Variants in RBFOX1 observed in about 807,000 individuals in gnomAD.
RBFOX1 encodes RNA binding protein fox-1 homolog 1.
RBFOX1 carries 8 observed loss-of-function variants against 57.7 expected under a neutral mutation model. The observed-to-expected ratio is 0.14, with a 90% CI of 0.08 to 0.25. The LOEUF is 0.25. Ranked by LOEUF, RBFOX1 falls within the 10% of genes least tolerant of loss-of-function variation. The pLI, the probability that RBFOX1 is intolerant of heterozygous loss-of-function variation, is 1.00. For synonymous variants in RBFOX1, 326 were observed against 222.4 expected (o/e 1.47, Z -4.15); for missense variants, 611 against 548.5 (o/e 1.11, Z -1.14).
intron 4 of RBFOX1, among the ~76,000 whole-genome samples, chr16:7,457,992 C>T (rs973899875): frequency 6.6e-6 from 1 of 152,132 alleles, no homozygotes; most frequent in East Asian, 1.9e-4. Flanking sequence ...TTCCACAGTT[C>T]CTACCCTGGT....
chr16:5,456,378 C>T (rs556546576), intron 1 of RBFOX1, among the ~76,000 whole-genome samples: 5 of 152,148 alleles, frequency 3.3e-5, no homozygotes, highest in African/African-American at 1.2e-4. Context: ...TGTTTTCCAC[C>T]TCCCATGGGT....
intron 2 of RBFOX1, among the ~76,000 whole-genome samples, chr16:6,526,857 A>AAAAAAACAAC (rs1567560941): frequency 1.5e-5 from 2 of 130,422 alleles, no homozygotes; most frequent in African/African-American, 7.3e-5. Flanking sequence ...AAAAAAAAAA[A>AAAAAAACAAC]AACAACCAGA....
intron 1 of RBFOX1, among the ~76,000 whole-genome samples, chr16:5,448,501 ATCT>A (rs998969500): frequency 4.6e-5 from 7 of 152,176 alleles, no homozygotes; most frequent in African/African-American, 1.4e-4. Flanking sequence ...TTACAAAGAA[ATCT>A]TCTCACTTTC....
chr16:6,765,123 G>A (rs2077153024), intron 3 of RBFOX1, among the ~76,000 whole-genome samples: 1 of 152,056 alleles, frequency 6.6e-6, no homozygotes, highest in Admixed American at 6.5e-5. Flanking sequence ...TGATGGAACA[G>A]CAAGTAAAAC....
At chr16:5,990,859 A>G (rs1236496728) in intron 4 of RBFOX1, among the ~76,000 whole-genome samples, 2 of 152,182 alleles carry the variant, frequency 1.3e-5, no homozygotes, top group Non-Finnish European at 2.9e-5. Flanking sequence ...CTGTAGTCCC[A>G]TCTACTCGGG....
chr16:5,831,781 T>C (rs2056284726), intron 3 of RBFOX1, among the ~76,000 whole-genome samples: 1 of 152,162 alleles, frequency 6.6e-6, no homozygotes, highest in South Asian at 2.1e-4. Context: ...TATTCCTTTT[T>C]AGCCATGCAA....
intron 3 of RBFOX1, among the ~76,000 whole-genome samples, chr16:5,701,813 G>A (rs368474836): frequency 7.9e-5 from 12 of 152,300 alleles, no homozygotes; most frequent in Admixed American, 6.5e-5. Context: ...TCATCTGGAC[G>A]TTCATCAGGC....
intron 1 of RBFOX1, among the ~76,000 whole-genome samples, chr16:6,267,358 C>T (rs1210065254): frequency 6.6e-6 from 1 of 152,184 alleles, no homozygotes; most frequent in African/African-American, 2.4e-5. Context: ...TTGACCTCTC[C>T]TGATAAACCC....
intron 3 of RBFOX1, among the ~76,000 whole-genome samples, chr16:7,018,816 T>A (rs558885721): frequency 6.6e-6 from 1 of 151,380 alleles, no homozygotes; most frequent in South Asian, 2.1e-4. Context: ...ATACAACGTC[T>A]ACAGATTAAA....
At position 7,056,253 on chromosome 16, in the gene RBFOX1, C is replaced by T. The variant is rs183767629; in HGVS notation, c.27+4155C>T. On this transcript the variant is annotated intron_variant, in intron 4 of 15. Coordinates refer to ENST00000550418, the MANE Select transcript of RBFOX1 (RefSeq NM_018723.4). ...TCTTCTCAGAGAACTATTGGGATTACTTACATCGCTCGGTTGTTACGCACA... is the reference window on the plus strand; with the variant it reads ...TCTTCTCAGAGAACTATTGGGATTATTTACATCGCTCGGTTGTTACGCACA... 1.6e-4 allele frequency among the ~76,000 whole-genome samples: 25 copies of T among 152,280 alleles called. No homozygotes were observed. In the East Asian group the frequency reaches 3.5e-3, roughly 21 times the overall value.
intron 3 of RBFOX1, among the ~76,000 whole-genome samples, chr16:6,729,601 G>A (rs2068038085): frequency 6.6e-6 from 1 of 152,066 alleles, no homozygotes. Context: ...AGGGAAATGG[G>A]CTTCTAAAGG....
intron 1 of RBFOX1, among the ~76,000 whole-genome samples, chr16:5,407,870 A>T (rs111408638): frequency 9.8e-5 from 15 of 152,332 alleles, no homozygotes; most frequent in African/African-American, 3.4e-4. Context: ...GCTTTAACCC[A>T]AGTCCCGTGG....
At chr16:7,378,581 A>C (rs917839855) in intron 4 of RBFOX1, among the ~76,000 whole-genome samples, 2 of 152,172 alleles carry the variant, frequency 1.3e-5, no homozygotes, top group Non-Finnish European at 2.9e-5. Context: ...TTAATCTGGG[A>C]CATGGTGGTG....
intron 1 of RBFOX1, among the ~76,000 whole-genome samples, chr16:6,045,215 C>G (rs1376202728): frequency 6.6e-6 from 1 of 152,186 alleles, no homozygotes; most frequent in Non-Finnish European, 1.5e-5. Context: ...TTATGATAAA[C>G]TCCCGAGCGA....
intron 4 of RBFOX1, among the ~76,000 whole-genome samples, chr16:7,414,467 C>T (rs1294801072): frequency 6.6e-6 from 1 of 152,122 alleles, no homozygotes; most frequent in African/African-American, 2.4e-5. Context: ...CTAATGTGAG[C>T]CACAGAATTT....
intron 3 of RBFOX1, among the ~76,000 whole-genome samples, chr16:5,665,096 C>T (rs1185768985): frequency 2.7e-5 from 4 of 149,378 alleles, no homozygotes; most frequent in Non-Finnish European, 5.9e-5. Flanking sequence ...CAGGTGTGCA[C>T]CACCATGGCT....
At chr16:7,198,484 G>A (rs1264676800) in intron 4 of RBFOX1, among the ~76,000 whole-genome samples, 1 of 152,212 alleles carries the variant, frequency 6.6e-6, no homozygotes, top group East Asian at 1.9e-4. Context: ...AAAACAGGAA[G>A]ACAGAGTGTT....
At chr16:5,267,537 A>G (rs1311869383) in intron 1 of RBFOX1, among the ~76,000 whole-genome samples, 1 of 151,474 alleles carries the variant, frequency 6.6e-6, no homozygotes, top group Admixed American at 6.6e-5. Flanking sequence ...GCCTGAAGTG[A>G]TCTGCCCACC....
At chr16:5,342,988 C>T (rs1053908317) in intron 1 of RBFOX1, among the ~76,000 whole-genome samples, 5 of 152,156 alleles carry the variant, frequency 3.3e-5, no homozygotes, top group Non-Finnish European at 5.9e-5. Context: ...GTGATCGGTT[C>T]AGGGTTGGGC....
Sources: allele counts gnomAD v4.1 joint callset (sites outside exome capture counted in the v4.1 genomes callset), GRCh38; gene constraint gnomAD v4.1.1; transcripts MANE v1.5; gene names NCBI Gene and HGNC (gene_info 2026-07-23, HGNC 2026-07-21).